The following AKT3 variants were observed in gnomAD, a reference collection of about 807,000 sequenced individuals.
AKT3 encodes AKT serine/threonine kinase 3.
AKT3 carries 15 observed loss-of-function variants against 65.3 expected under a neutral mutation model. That is an observed-to-expected ratio of 0.23 (90% CI 0.15 to 0.35). The LOEUF is 0.35. Ranked by LOEUF, AKT3 falls within the 10% of genes least tolerant of loss-of-function variation. AKT3 has a pLI of 1.00. For missense variants in AKT3, 243 were observed against 576.5 expected (o/e 0.42, Z 5.92); for synonymous variants, 206 against 183.8 (o/e 1.12, Z -0.98).
chr1:243,662,269 T>G (rs911879229), intron 4 of AKT3, among the ~76,000 whole-genome samples: 13 of 151,940 alleles, frequency 8.6e-5, no homozygotes, highest in Non-Finnish European at 1.5e-4. Flanking sequence ...ATGTTTATTG[T>G]GGCACTATTC....
At chr1:243,498,753 A>AGAG (rs1668704422), downstream of AKT3, among the ~76,000 whole-genome samples, 1 of 152,252 alleles carries the variant, frequency 6.6e-6, no homozygotes, top group African/African-American at 2.4e-5. Flanking sequence ...TTAGGTTGAT[A>AGAG]GAGTCCTCCC....
chr1:243,822,448 A>G (rs375029524), intron 2 of AKT3, among the ~76,000 whole-genome samples: 13 of 149,396 alleles, frequency 8.7e-5, no homozygotes, highest in Non-Finnish European at 1.9e-4. Context: ...TGAAGGAGAG[A>G]GAGACACTAA....
chr1:243,620,544 G>A (rs1357374416), intron 6 of AKT3, among the ~76,000 whole-genome samples: 1 of 42,210 alleles, frequency 2.4e-5, no homozygotes, highest in African/African-American at 3.7e-5. Flanking sequence ...CCTGCCAGAG[G>A]AGACATGTCA....
At position 243,784,776 on chromosome 1, in the gene AKT3, G is replaced by A. The variant is rs538420841; in HGVS notation, c.46+58349C>T. Reference sequence around the variant, plus strand: ...CACAGCCAGCAGGGCTGGCCTTCACGGCCTCCTGTGCTCCCCCTCCCACCC... The same window carrying A: ...CACAGCCAGCAGGGCTGGCCTTCACAGCCTCCTGTGCTCCCCCTCCCACCC... On this transcript the variant is annotated intron_variant, in intron 2 of 13. Coordinates refer to ENST00000673466, the MANE Select transcript of AKT3 (RefSeq NM_005465.7). 2.0e-4 allele frequency among the ~76,000 whole-genome samples: 30 copies of A among 152,270 alleles called. No individual in the cohort carries two copies. The South Asian group carries it at 4.8e-3, about 24-fold the overall frequency.
At chr1:243,692,987 T>A (rs1333487523) in intron 3 of AKT3, among the ~76,000 whole-genome samples, 1 of 151,556 alleles carries the variant, frequency 6.6e-6, no homozygotes, top group African/African-American at 2.4e-5. Context: ...TAGACTGCAG[T>A]GGGATACGAA....
intron 2 of AKT3, among the ~76,000 whole-genome samples, chr1:243,699,678 G>A (rs4658589): frequency 0.83 from 125,530 of 150,836 alleles, 52,397 homozygotes; most frequent in Non-Finnish European, 0.87. Flanking sequence ...AATGATGTAC[G>A]CACCCTAATC....
intron 2 of AKT3, among the ~76,000 whole-genome samples, chr1:243,751,301 G>A (rs1688797581): frequency 6.6e-6 from 1 of 152,240 alleles, no homozygotes; most frequent in Admixed American, 6.5e-5. Context: ...TAGACCAGCT[G>A]TGACAGACTC....
At chr1:243,541,127 T>C (rs563145400) in intron 12 of AKT3, among the ~76,000 whole-genome samples, 16 of 152,298 alleles carry the variant, frequency 1.1e-4, no homozygotes, top group African/African-American at 3.8e-4. Flanking sequence ...AACTTTTGCT[T>C]ACTAATTTTA....
At chr1:243,568,201 G>A (rs1042393230) in intron 9 of AKT3, among the ~76,000 whole-genome samples, 2 of 152,068 alleles carry the variant, frequency 1.3e-5, no homozygotes, top group African/African-American at 4.8e-5. Flanking sequence ...TGACTGCTTA[G>A]GTACTCTAAA....
chr1:243,588,916 T>A (rs1676000231), intron 8 of AKT3, among the ~76,000 whole-genome samples: 1 of 152,118 alleles, frequency 6.6e-6, no homozygotes, highest in South Asian at 2.1e-4. Context: ...TCTTTGCTTA[T>A]GTGAAGCAAA....
At chr1:243,527,513 G>C (rs561758843) in intron 12 of AKT3, among the ~76,000 whole-genome samples, 7 of 151,310 alleles carry the variant, frequency 4.6e-5, no homozygotes, top group Non-Finnish European at 1.0e-4. Flanking sequence ...TTTTTCTTTC[G>C]AGGAACAAGG....
chr1:243,625,541 C>A (rs1679097809), intron 6 of AKT3, among the ~76,000 whole-genome samples: 2 of 152,088 alleles, frequency 1.3e-5, no homozygotes, highest in South Asian at 4.1e-4. Flanking sequence ...TGGCTGTTAG[C>A]CTCCAGGATA....
intron 6 of AKT3, among the ~76,000 whole-genome samples, chr1:243,632,420 C>T (rs770809295): frequency 3.0e-4 from 45 of 152,264 alleles, no homozygotes; most frequent in Admixed American, 1.2e-3. Context: ...GTCTCCACAG[C>T]GGGCCTAAAA....
rs1693905422 is a variant in AKT3 at position 243,822,360 on chromosome 1, TA to T, written c.46+20764del. On this transcript the variant is annotated intron_variant, in intron 2 of 13. Transcript: ENST00000673466. ...CAAGTTGACAACCTAACATCACAAC[TA>T]AAAGAACTAGAGAACCAAGAGCAAA... Among the ~76,000 whole-genome samples, 4 of 148,126 alleles carry T rather than the reference TA, an allele frequency of 2.7e-5. No individual in the cohort carries two copies. In the South Asian group the frequency reaches 8.6e-4, roughly 32 times the overall value.
At chr1:243,818,368 G>C (rs1264617842) in intron 2 of AKT3, among the ~76,000 whole-genome samples, 1 of 152,036 alleles carries the variant, frequency 6.6e-6, no homozygotes. Context: ...CTAGACTCTA[G>C]ACTCCATGAG....
chr1:243,756,737 CAT>C (rs766572273), intron 2 of AKT3, among the ~76,000 whole-genome samples: 1 of 152,100 alleles, frequency 6.6e-6, no homozygotes, highest in Non-Finnish European at 1.5e-5. Flanking sequence ...CAAAGAGAAA[CAT>C]AATATTTACA....
rs988744649 is a variant in AKT3 at position 243,546,576 on chromosome 1, T to C, written c.1164-979A>G. 5 of 152,242 alleles carry C rather than the reference T, an allele frequency of 3.3e-5. No homozygotes were observed. In the East Asian group the frequency reaches 5.8e-4, roughly 18 times the overall value. The allele number at this position is 152,242 out of a possible 1,614,324, so 9.4% of individuals were successfully genotyped here. A position where few individuals can be genotyped will look rare whatever the true frequency, so the allele number is the denominator to read the frequency against. On this transcript the variant is annotated intron_variant, in intron 11 of 13. Coordinates refer to ENST00000673466, the MANE Select transcript of AKT3 (RefSeq NM_005465.7). ...ACAACCAGCTCTCTGTGAGCAATCA[T>C]GCATTTATACAAATATAATTTTTTT...
At chr1:243,680,596 T>C (rs1683841557) in intron 3 of AKT3, among the ~76,000 whole-genome samples, 1 of 152,048 alleles carries the variant, frequency 6.6e-6, no homozygotes, top group Non-Finnish European at 1.5e-5. Flanking sequence ...CGCTTTTAAA[T>C]TAAAATAAAG....
intron 2 of AKT3, among the ~76,000 whole-genome samples, chr1:243,703,619 C>T (rs1187587497): frequency 2.0e-5 from 3 of 151,414 alleles, no homozygotes; most frequent in African/African-American, 7.3e-5. Context: ...ATTAGCCGGG[C>T]GTGGTGGCGG....
Sources: gnomAD v4.1 joint callset for allele counts (sites outside exome capture counted in the v4.1 genomes callset) on GRCh38, gnomAD v4.1.1 for gene constraint, MANE v1.5 for transcripts, NCBI Gene and HGNC (gene_info 2026-07-23, HGNC 2026-07-21) for gene names.